STAG1: variants seen among roughly 807,000 people sequenced by gnomAD.
The protein encoded by STAG1 is STAG1 cohesin complex component.
A neutral mutation model predicts 170.9 loss-of-function variants in STAG1; 26 were observed. That is an observed-to-expected ratio of 0.15 (90% confidence interval 0.11 to 0.21). The LOEUF is 0.21. STAG1 is among the 10% of genes least tolerant of loss of function. The pLI is 1.00. For missense variants in STAG1, 964 were observed against 1,509.5 expected, an observed-to-expected ratio of 0.64 and a Z score of 5.99; for synonymous variants, 514 against 497.7, an observed-to-expected ratio of 1.03 and a Z score of -0.44.
At chr3:136,553,489 T>G (rs1049863463) in intron 5 of STAG1, among the ~76,000 whole-genome samples, 3 of 152,104 alleles carry the variant, frequency 2.0e-5, no homozygotes, top group African/African-American at 7.2e-5. Context: ...AAAAATTAAA[T>G]TTTGGGCCGG....
intron 16 of STAG1, among the ~76,000 whole-genome samples, chr3:136,423,388 A>T (rs1475293971): frequency 6.6e-6 from 1 of 152,202 alleles, no homozygotes; most frequent in East Asian, 1.9e-4. Flanking sequence ...CCTATGTTAA[A>T]TATACACACA....
chr3:136,382,765 T>C (rs1283954987), intron 22 of STAG1, among the ~76,000 whole-genome samples: 2 of 152,312 alleles, frequency 1.3e-5, no homozygotes, highest in East Asian at 3.9e-4. Flanking sequence ...AAAGACCTTC[T>C]TTAGCAATAA....
intron 1 of STAG1, among the ~76,000 whole-genome samples, chr3:136,675,638 C>T (rs1942107929): frequency 6.6e-6 from 1 of 152,002 alleles, no homozygotes; most frequent in Non-Finnish European, 1.5e-5. Flanking sequence ...TAACCATTAC[C>T]ACTGTCTAAT....
intron 1 of STAG1, among the ~76,000 whole-genome samples, chr3:136,682,082 A>G (rs1004692028): frequency 6.6e-6 from 1 of 152,124 alleles, no homozygotes; most frequent in Non-Finnish European, 1.5e-5. Flanking sequence ...AAGAAATAAA[A>G]CTATCTCTAT....
At chr3:136,389,879 C>T (rs1353125215) in intron 22 of STAG1, among the ~76,000 whole-genome samples, 2 of 149,646 alleles carry the variant, frequency 1.3e-5, no homozygotes, top group Non-Finnish European at 3.0e-5. Flanking sequence ...TCACCCAGGC[C>T]GGAGTGCAGT....
intron 5 of STAG1, among the ~76,000 whole-genome samples, chr3:136,564,433 T>C (rs1456963476): frequency 1.3e-5 from 2 of 152,176 alleles, no homozygotes; most frequent in African/African-American, 4.8e-5. Flanking sequence ...GCCAATCTGA[T>C]AGGTAAAAAG....
intron 1 of STAG1, among the ~76,000 whole-genome samples, chr3:136,710,029 C>A (rs1943339990): frequency 6.6e-6 from 1 of 152,034 alleles, no homozygotes; most frequent in Non-Finnish European, 1.5e-5. Flanking sequence ...AGTGAGACCC[C>A]ATCTCAAAAA....
chr3:136,348,156 C>T (rs1936302561), intron 29 of STAG1, among the ~76,000 whole-genome samples: 1 of 152,070 alleles, frequency 6.6e-6, no homozygotes, highest in Non-Finnish European at 1.5e-5. Context: ...GATCACAGAC[C>T]TCCTCTTGGT....
intron 1 of STAG1, among the ~76,000 whole-genome samples, chr3:136,703,099 G>A (rs1257562640): frequency 6.6e-6 from 1 of 151,018 alleles, no homozygotes; most frequent in Admixed American, 6.6e-5. Flanking sequence ...TAAAGGCTGA[G>A]GTGACATCAT....
At chr3:136,441,693 T>G (rs1414545799) in intron 15 of STAG1, among the ~76,000 whole-genome samples, 1 of 152,102 alleles carries the variant, frequency 6.6e-6, no homozygotes, top group African/African-American at 2.4e-5. Flanking sequence ...GGATGGCTCA[T>G]TATGCTCTTG....
intron 7 of STAG1, among the ~76,000 whole-genome samples, chr3:136,516,026 T>G (rs575695160): frequency 6.6e-6 from 1 of 151,934 alleles, no homozygotes; most frequent in African/African-American, 2.4e-5. Flanking sequence ...AAAATGAATA[T>G]AAAAAAATAA....
At chr3:136,425,753 T>C (rs1391286776) in intron 16 of STAG1, among the ~76,000 whole-genome samples, 1 of 149,642 alleles carries the variant, frequency 6.7e-6, no homozygotes, top group Non-Finnish European at 1.5e-5. Context: ...TATACATATA[T>C]ATCTATAAAA....
At chr3:136,416,179 TG>T (rs999627798) in intron 21 of STAG1, among the ~76,000 whole-genome samples, 1 of 152,112 alleles carries the variant, frequency 6.6e-6, no homozygotes, top group Admixed American at 6.5e-5. Context: ...GGCTAATTTT[TG>T]TATTTTTAGT....
intron 22 of STAG1, among the ~76,000 whole-genome samples, chr3:136,394,647 T>C (rs1040937297): frequency 6.6e-6 from 1 of 150,998 alleles, no homozygotes; most frequent in Non-Finnish European, 1.5e-5. Context: ...CGTGGCTGGG[T>C]GTGGTGGCTC....
At chr3:136,473,060 G>T (rs1376579408) in intron 11 of STAG1, among the ~76,000 whole-genome samples, 1 of 152,076 alleles carries the variant, frequency 6.6e-6, no homozygotes, top group Non-Finnish European at 1.5e-5. Context: ...ATCAGCAGTG[G>T]CATTAGATTC....
chr3:136,454,516 T>C (rs1293328544), intron 13 of STAG1, among the ~76,000 whole-genome samples: 1 of 151,566 alleles, frequency 6.6e-6, no homozygotes, highest in Non-Finnish European at 1.5e-5. Flanking sequence ...GTAGATAAGA[T>C]TACAGGCGTG....
At chr3:136,427,067 A>AT (rs1171439099) in intron 16 of STAG1, among the ~76,000 whole-genome samples, 19 of 151,546 alleles carry the variant, frequency 1.3e-4, no homozygotes, top group Admixed American at 6.6e-4. Flanking sequence ...TCTTAAAAAA[A>AT]AAAAAAAAAA....
intron 4 of STAG1, among the ~76,000 whole-genome samples, chr3:136,578,223 A>G (rs561365822): frequency 6.6e-6 from 1 of 152,336 alleles, no homozygotes; most frequent in East Asian, 1.9e-4. Context: ...TCCCAAGGTA[A>G]CACAGCCCAA....
chr3:136,387,240 T>C (rs1052197692), intron 22 of STAG1, among the ~76,000 whole-genome samples: 5 of 152,180 alleles, frequency 3.3e-5, no homozygotes, highest in African/African-American at 1.2e-4. Context: ...TAGCATGAAA[T>C]AGTCCTAGAT....
Sources: gnomAD v4.1 joint callset for allele counts (sites outside exome capture counted in the v4.1 genomes callset) on GRCh38, gnomAD v4.1.1 for gene constraint, MANE v1.5 for transcripts, NCBI Gene and HGNC (gene_info 2026-07-23, HGNC 2026-07-21) for gene names.